PDE3B: variants seen among roughly 807,000 people sequenced by gnomAD.
PDE3B encodes the protein phosphodiesterase 3B.
PDE3B carries 66 observed loss-of-function variants against 116.8 expected under a neutral mutation model. The observed-to-expected ratio is 0.56, with a 90% CI of 0.46 to 0.69. The LOEUF (loss-of-function observed/expected upper bound fraction) is 0.69. Ranked by LOEUF, PDE3B falls within the 30% of genes least tolerant of loss-of-function variation. The pLI is 0.00. For synonymous variants in PDE3B, 595 were observed against 533.6 expected (o/e 1.12, Z -1.59); for missense variants, 1,384 against 1,368.1 (o/e 1.01, Z -0.18).
At chr11:14,750,231 A>C (rs1370898936) in intron 1 of PDE3B, among the ~76,000 whole-genome samples, 1 of 152,180 alleles carries the variant, frequency 6.6e-6, no homozygotes, top group East Asian at 1.9e-4. Context: ...TCCTAGATAC[A>C]TACAGAATAG....
intron 1 of PDE3B, among the ~76,000 whole-genome samples, chr11:14,715,511 T>A (rs1256245617): frequency 6.6e-6 from 1 of 152,180 alleles, no homozygotes; most frequent in Non-Finnish European, 1.5e-5. Flanking sequence ...TATTTTATTG[T>A]CTTTGAAGCA....
rs777786831 is a variant in PDE3B, at chr11:14,789,130, A to T, written c.1303A>T (p.Thr435Ser). ...GGGACTAAATAGGAATAGTTTGCCA[A>T]CTCCACAGCTGAGGAGAAGCTCAGG... is the stretch of plus-strand genomic sequence containing the variant. The part of the protein sequence containing the change: ...NKGLNRNSLP[T>S]PQLRRSSGTS... The change falls in exon 4 of 16, where the codon ACT becomes TCT. Residue 435 changes from threonine (T) to serine (S), a missense_variant. This residue lies in a region of PDE3B where 956 missense variants were observed against 806.8 expected (regional missense o/e 1.18). Transcript: ENST00000282096. The T allele has an allele frequency of 6.2e-7, 1 of 1,609,496 alleles. No individual in the cohort carries two copies. The highest frequency in any genetic ancestry group is 2.2e-5 in the East Asian group (1 of 44,770).
At chr11:14,763,606 A>T (rs1857418750) in intron 1 of PDE3B, among the ~76,000 whole-genome samples, 1 of 152,124 alleles carries the variant, frequency 6.6e-6, no homozygotes, top group African/African-American at 2.4e-5. Flanking sequence ...TTGCTGCTGA[A>T]ATATCTTCAG....
chr11:14,683,932 C>G (rs947680327), intron 1 of PDE3B, among the ~76,000 whole-genome samples: 2 of 152,038 alleles, frequency 1.3e-5, no homozygotes, highest in Non-Finnish European at 2.9e-5. Flanking sequence ...TGAATGCTGG[C>G]TTATTTAGAA....
intron 1 of PDE3B, among the ~76,000 whole-genome samples, chr11:14,759,131 G>T (rs1857278270): frequency 1.3e-5 from 2 of 152,116 alleles, no homozygotes; most frequent in South Asian, 4.2e-4. Context: ...CTTGATCATG[G>T]TGGATAAGCT....
intron 1 of PDE3B, among the ~76,000 whole-genome samples, chr11:14,767,338 A>G (rs540892193): frequency 1.3e-5 from 2 of 151,622 alleles, no homozygotes; most frequent in South Asian, 2.1e-4. Context: ...GATAGTTGCT[A>G]TTGTATGTGC....
chr11:14,771,773 T>G (rs566067883), intron 1 of PDE3B, among the ~76,000 whole-genome samples, 164 bp from the exon 2 acceptor site: 3 of 151,888 alleles, frequency 2.0e-5, no homozygotes, highest in African/African-American at 7.2e-5. Context: ...ATAGATTATA[T>G]TAATGAAATA....
intron 1 of PDE3B, among the ~76,000 whole-genome samples, chr11:14,740,133 A>G (rs1371286768): frequency 1.3e-5 from 2 of 151,994 alleles, no homozygotes; most frequent in Admixed American, 6.5e-5. Flanking sequence ...GTTAGGGAGG[A>G]TTTCCTTTTT....
Position 14,768,062 on chromosome 11 carries a change from T to C in PDE3B, c.979-3875T>C, listed in dbSNP as rs543774959. 1.8e-3 allele frequency among the ~76,000 whole-genome samples: 266 copies of C among 151,458 alleles called. 1 individual carries two copies. The highest frequency in any genetic ancestry group is 1.7e-3 in the Non-Finnish European group (116 of 67,498). ...TCAAGTACAAGCATGCTTTAGAACC[T>C]ACCATGTTAAAAAAAAAAGTATTAT... is the stretch of plus-strand genomic sequence containing the variant. On this transcript the variant is annotated intron_variant, in intron 1 of 15. Coordinates refer to ENST00000282096, the MANE Select transcript of PDE3B (RefSeq NM_000922.4).
chr11:14,849,422 C>T (rs532982653), intron 12 of PDE3B, among the ~76,000 whole-genome samples: 123 of 152,220 alleles, frequency 8.1e-4, no homozygotes, highest in African/African-American at 2.9e-3. Flanking sequence ...AGGAGATAGG[C>T]ATGGGCAAGG....
In PDE3B at chr11:14,869,484, C is replaced by T. The variant is rs200520115; in HGVS notation, c.3163C>T (p.Arg1055Trp). ...AGAACCACCAAGAAGGAAAAGCAGA[C>T]GGCGAATATTTTGTCAGCTAATGCA... The part of the protein sequence containing the change: ...NPKPPRRKSR[R>W]RIFCQLMHHL... Residue 1055 changes from arginine to tryptophan, a missense_variant, in exon 16 of 16, where the codon CGG (arginine) becomes TGG (tryptophan). Arg to Trp is a moderately radical substitution (Grantham distance 101). Around this residue, in one of 2 missense-constraint regions of PDE3B, gnomAD observed 428 missense variants for 561.4 expected, o/e 0.76. Coordinates refer to ENST00000282096, the MANE Select transcript of PDE3B (RefSeq NM_000922.4). 1.4e-5 allele frequency: 23 copies of T among 1,611,560 alleles called. No individual in the cohort carries two copies. The highest frequency in any genetic ancestry group is 2.7e-5 in the African/African-American group (2 of 74,576).
chr11:14,721,403 A>G (rs900331770), intron 1 of PDE3B, among the ~76,000 whole-genome samples: 6 of 150,938 alleles, frequency 4.0e-5, no homozygotes, highest in African/African-American at 1.5e-4. Flanking sequence ...ATACCATTTG[A>G]CCCAGCCATC....
intron 7 of PDE3B, among the ~76,000 whole-genome samples, chr11:14,830,024 T>C (rs1016839204): frequency 2.6e-5 from 4 of 152,112 alleles, no homozygotes; most frequent in Non-Finnish European, 4.4e-5. Context: ...CACTAAACAT[T>C]ATATTTTTAA....
At chr11:14,648,514 G>A (rs1469038940) in intron 1 of PDE3B, among the ~76,000 whole-genome samples, 3 of 152,018 alleles carry the variant, frequency 2.0e-5, no homozygotes, top group Non-Finnish European at 4.4e-5. Context: ...CAGTGAGTGA[G>A]TGTTTTATTC....
intron 1 of PDE3B, among the ~76,000 whole-genome samples, chr11:14,665,908 T>C (rs1251148099): frequency 6.6e-6 from 1 of 152,186 alleles, no homozygotes; most frequent in Non-Finnish European, 1.5e-5. Flanking sequence ...CCAATGACTT[T>C]CTTCACAGAA....
At chr11:14,792,644 AT>A (rs1858424684) in intron 4 of PDE3B, among the ~76,000 whole-genome samples, 1 of 152,120 alleles carries the variant, frequency 6.6e-6, no homozygotes. Flanking sequence ...GATTTTACTA[AT>A]TAAGGAGGCC....
chr11:14,654,723 A>G (rs866037391), intron 1 of PDE3B, among the ~76,000 whole-genome samples: 4 of 152,026 alleles, frequency 2.6e-5, no homozygotes, highest in African/African-American at 9.7e-5. Context: ...TTAAAAAGTT[A>G]TATTTCAAGG....
intron 7 of PDE3B, among the ~76,000 whole-genome samples, chr11:14,821,647 T>TG (rs78285608): frequency 0.51 from 78,185 of 151,846 alleles, 20,140 homozygotes; most frequent in Admixed American, 0.55. Flanking sequence ...TTAGACTAAT[T>TG]TTTTTCATTT....
chr11:14,658,551 T>C (rs901781930), intron 1 of PDE3B, among the ~76,000 whole-genome samples: 2 of 152,158 alleles, frequency 1.3e-5, no homozygotes, highest in African/African-American at 4.8e-5. Context: ...AGACGGGGGT[T>C]TTGCCATGTT....
Sources: gnomAD v4.1 joint callset for allele counts (sites outside exome capture counted in the v4.1 genomes callset) on GRCh38, gnomAD v4.1.1 for gene constraint, gnomAD v4.1.1 regional missense constraint, MANE v1.5 for transcripts, NCBI Gene and HGNC (gene_info 2026-07-23, HGNC 2026-07-21) for gene names.